The following KCNIP4 variants were observed in gnomAD, a reference collection of about 807,000 sequenced individuals.
KCNIP4 encodes Kv channel-interacting protein 4.
Under a neutral mutation model 34.0 loss-of-function variants are expected in KCNIP4, and 12 were observed. The ratio of observed to expected loss-of-function variants is 0.35; its 90% CI spans 0.23 to 0.57. KCNIP4 has a LOEUF of 0.57. Among genes scored for constraint, KCNIP4 ranks in the 20% least tolerant of loss-of-function variants. The pLI is 0.83. For missense variants in KCNIP4, 238 were observed against 311.7 expected (o/e 0.76, Z 1.78); for synonymous variants, 124 against 102.2 (o/e 1.21, Z -1.29).
intron 1 of KCNIP4, among the ~76,000 whole-genome samples, chr4:21,856,763 T>C: frequency 6.6e-6 from 1 of 152,062 alleles, no homozygotes; most frequent in African/African-American, 2.4e-5. Context: ...CACTTGAGGG[T>C]GCCTGCTCCT....
intron 1 of KCNIP4, among the ~76,000 whole-genome samples, chr4:21,186,453 AGT>A (rs1755237979): frequency 6.6e-6 from 1 of 152,146 alleles, no homozygotes. Flanking sequence ...AGGGAAAGAG[AGT>A]GTAGATAAAA....
intron 1 of KCNIP4, among the ~76,000 whole-genome samples, chr4:21,019,188 C>T (rs1469666161): frequency 1.3e-5 from 2 of 152,118 alleles, no homozygotes; most frequent in Non-Finnish European, 1.5e-5. Flanking sequence ...CGGAGTCTTG[C>T]TCTGTTGCCC....
At chr4:20,928,371 T>A (rs1730106846) in intron 1 of KCNIP4, among the ~76,000 whole-genome samples, 1 of 151,542 alleles carries the variant, frequency 6.6e-6, no homozygotes, top group Non-Finnish European at 1.5e-5. Flanking sequence ...TGCTCCTGAA[T>A]GACCAATAAA....
intron 1 of KCNIP4, among the ~76,000 whole-genome samples, chr4:21,005,852 G>C (rs894943165): frequency 2.0e-5 from 3 of 152,140 alleles, no homozygotes; most frequent in African/African-American, 7.2e-5. Flanking sequence ...CTCTACCAGA[G>C]AGTATTACGC....
intron 3 of KCNIP4, among the ~76,000 whole-genome samples, chr4:20,775,078 G>A (rs566564294): frequency 1.6e-4 from 24 of 152,130 alleles, no homozygotes; most frequent in South Asian, 1.0e-3. Context: ...ATTATTTAGC[G>A]TCTACTGTGT....
At chr4:20,853,311 G>C (rs915472469) in intron 2 of KCNIP4, among the ~76,000 whole-genome samples, 2 of 136,670 alleles carry the variant, frequency 1.5e-5, no homozygotes, top group South Asian at 4.9e-4. Context: ...CAGTGGAACA[G>C]AATAGATAAT....
chr4:21,947,509 AG>A (rs1366656609), intron 1 of KCNIP4, among the ~76,000 whole-genome samples: 4 of 152,196 alleles, frequency 2.6e-5, no homozygotes, highest in Non-Finnish European at 5.9e-5. Flanking sequence ...AGGAAAAGAA[AG>A]GGAGGGTGTC....
intron 1 of KCNIP4, among the ~76,000 whole-genome samples, chr4:21,473,445 A>G (rs1053560107): frequency 6.6e-6 from 1 of 152,184 alleles, no homozygotes; most frequent in Non-Finnish European, 1.5e-5. Context: ...GTAAAACTCT[A>G]CAAAATACAG....
chr4:21,718,117 G>A (rs1293795710), intron 1 of KCNIP4, among the ~76,000 whole-genome samples: 1 of 149,694 alleles, frequency 6.7e-6, no homozygotes, highest in Non-Finnish European at 1.5e-5. Context: ...TCACATGACA[G>A]TGTACCAAGT....
chr4:21,818,597 A>C (rs1722134268), intron 1 of KCNIP4, among the ~76,000 whole-genome samples: 1 of 152,254 alleles, frequency 6.6e-6, no homozygotes, highest in Non-Finnish European at 1.5e-5. Flanking sequence ...TTAAATACTC[A>C]GTAGCTACAT....
At chr4:20,757,958 T>C (rs946932682) in intron 4 of KCNIP4, among the ~76,000 whole-genome samples, 1 of 152,164 alleles carries the variant, frequency 6.6e-6, no homozygotes, top group African/African-American at 2.4e-5. Context: ...AGAATATTAT[T>C]TTTTAACTCC....
chr4:21,933,280 A>G lies in KCNIP4; in HGVS notation c.61+15291T>C, dbSNP rs529449030. Among the ~76,000 whole-genome samples, 303 of 152,102 alleles carry G rather than the reference A, an allele frequency of 2.0e-3. 1 individual carries two copies. The highest frequency in any genetic ancestry group is 3.4e-3 in the Non-Finnish European group (231 of 67,974). ...GATCACTTCTCATTGCTCTTAAAATAAAGTCCAAATATTTAATAAAACTCA... is the reference window on the plus strand; with the variant it reads ...GATCACTTCTCATTGCTCTTAAAATGAAGTCCAAATATTTAATAAAACTCA... On this transcript the variant is annotated intron_variant, in intron 1 of 8. Coordinates refer to ENST00000382152, the MANE Select transcript of KCNIP4 (RefSeq NM_025221.6).
intron 1 of KCNIP4, among the ~76,000 whole-genome samples, chr4:21,529,046 C>T (rs879507289): frequency 5.3e-5 from 8 of 152,108 alleles, no homozygotes; most frequent in Non-Finnish European, 1.2e-4. Context: ...TGCTTCTGTT[C>T]TTTCCTCCTG....
At chr4:20,939,003 T>C (rs1437246656) in intron 1 of KCNIP4, among the ~76,000 whole-genome samples, 1 of 152,222 alleles carries the variant, frequency 6.6e-6, no homozygotes, top group Admixed American at 6.5e-5. Flanking sequence ...CAGTCTTTGA[T>C]ACACATATCT....
At chr4:21,028,841 A>G (rs1740765087) in intron 1 of KCNIP4, among the ~76,000 whole-genome samples, 1 of 152,198 alleles carries the variant, frequency 6.6e-6, no homozygotes, top group Non-Finnish European at 1.5e-5. Flanking sequence ...TAGAGATTCT[A>G]TATGATGGAT....
rs925326742 is a variant in KCNIP4 at position 20,790,056 on chromosome 4, A to G, written c.289-31166T>C. On this transcript the variant is annotated intron_variant, in intron 3 of 8. Transcript: ENST00000382152. ...AGAAAGTATACTTACACAAACCTAG[A>G]TGGTACACCCTAGTACACATCTAGG... is the stretch of plus-strand genomic sequence containing the variant. 3.9e-5 allele frequency among the ~76,000 whole-genome samples: 6 copies of G among 152,134 alleles called. No homozygotes were observed. The East Asian group carries it at 7.7e-4, about 20-fold the overall frequency.
intron 1 of KCNIP4, among the ~76,000 whole-genome samples, chr4:21,686,024 C>T (rs1208977881): frequency 1.3e-5 from 2 of 152,112 alleles, no homozygotes; most frequent in Non-Finnish European, 2.9e-5. Context: ...TCTTTAAAGC[C>T]TTTTGACTTT....
intron 1 of KCNIP4, among the ~76,000 whole-genome samples, chr4:21,439,854 A>G (rs2109700112): frequency 6.6e-6 from 1 of 152,348 alleles, no homozygotes; most frequent in South Asian, 2.1e-4. Flanking sequence ...TGTTTAAGGC[A>G]GTGCTGGTTT....
intron 1 of KCNIP4, among the ~76,000 whole-genome samples, chr4:21,519,732 A>ATATGTATGATACACACGTGTGTG (rs1735306640): frequency 3.5e-5 from 4 of 113,412 alleles, no homozygotes; most frequent in African/African-American, 1.1e-4. Flanking sequence ...ACACGTGTGT[A>ATATGTATGATACACACGTGTGTG]TATGTATGAT....
Sources: gnomAD v4.1 joint callset for allele counts (sites outside exome capture counted in the v4.1 genomes callset) on GRCh38, gnomAD v4.1.1 for gene constraint, MANE v1.5 for transcripts, NCBI Gene and HGNC (gene_info 2026-07-23, HGNC 2026-07-21) for gene names.